HSD17B4: variants seen among roughly 807,000 people sequenced by gnomAD.
HSD17B4 encodes the protein peroxisomal multifunctional enzyme type 2.
In HSD17B4, 70 loss-of-function variants were observed where a neutral mutation model predicts 101.0. The observed-to-expected ratio is 0.69, with a 90% CI of 0.57 to 0.85. The LOEUF (loss-of-function observed/expected upper bound fraction) is 0.85, where lower values mean the gene tolerates loss of function less well. HSD17B4 is among the 40% of genes least tolerant of loss of function. The pLI, the probability that HSD17B4 is intolerant of heterozygous loss-of-function variation, is 0.00. For synonymous variants in HSD17B4, 347 were observed against 297.1 expected (o/e 1.17, Z -1.73); for missense variants, 984 against 892.4 (o/e 1.10, Z -1.31).
intron 15 of HSD17B4, among the ~76,000 whole-genome samples, chr5:119,507,863 T>C (rs1751804373): frequency 6.6e-6 from 1 of 152,034 alleles, no homozygotes; most frequent in African/African-American, 2.4e-5. Flanking sequence ...TTTGTAAGTT[T>C]TAAAGTTTAA....
In HSD17B4 at chr5:119,475,833, G is replaced by A; in HGVS notation, c.312G>A (p.Arg104=). ...DVVVNNAGIL[R]DRSFARISDE... is the part of the protein sequence containing the mutation. Reference sequence around the variant, plus strand: ...AACATTGATTTTTTAGAATTCTGAGGGATCGTTCCTTTGCTAGGATAAGTG... The same window carrying A: ...AACATTGATTTTTTAGAATTCTGAGAGATCGTTCCTTTGCTAGGATAAGTG... The change falls in exon 6 of 24, where the codon AGG becomes AGA. Residue 104 remains arginine, a synonymous_variant. Coordinates refer to ENST00000510025, the MANE Select transcript of HSD17B4 (RefSeq NM_000414.4). The A allele has an allele frequency of 6.2e-6, 10 of 1,603,896 alleles. No individual in the cohort carries two copies. Among genetic ancestry groups the A allele is most frequent in the Non-Finnish European group, 8.5e-6 (10 of 1,171,182 alleles).
At chr5:119,472,741 A>T (rs1156958416) in intron 2 of HSD17B4, among the ~76,000 whole-genome samples, 1 of 152,126 alleles carries the variant, frequency 6.6e-6, no homozygotes, top group Non-Finnish European at 1.5e-5. Flanking sequence ...GCCCAACGTA[A>T]TTGGTACTTT....
intron 2 of HSD17B4, among the ~76,000 whole-genome samples, chr5:119,465,734 A>C (rs1030043721): frequency 6.6e-6 from 1 of 152,164 alleles, no homozygotes; most frequent in Admixed American, 6.5e-5. Context: ...TGGAGTCTTT[A>C]GGTTTTTCTA....
At chr5:119,511,796 G>A (rs1458124914) in intron 16 of HSD17B4, among the ~76,000 whole-genome samples, 3 of 152,198 alleles carry the variant, frequency 2.0e-5, no homozygotes, top group Admixed American at 6.5e-5. Flanking sequence ...GGGGATTAGT[G>A]TCTAGAGTTG....
intron 2 of HSD17B4, among the ~76,000 whole-genome samples, chr5:119,459,769 C>T (rs1264307657): frequency 6.6e-6 from 1 of 152,086 alleles, no homozygotes; most frequent in African/African-American, 2.4e-5. Context: ...CCATGATAAC[C>T]TGTTAATTCA....
rs543564326 is a variant in HSD17B4 at position 119,502,962 on chromosome 5, A to G, written c.1261+870A>G. ...ATACCCAGTATTTGCAAGGCACAGT[A>G]TTAGGTAGTAGGTAATTTTCTAACC... On this transcript the variant is annotated intron_variant, in intron 14 of 23. Transcript: ENST00000510025. Among the ~76,000 whole-genome samples the G allele has an allele frequency of 1.1e-3, 160 of 152,276 alleles. 1 individual carries two copies. Among genetic ancestry groups the G allele is most frequent in the African/African-American group, 3.8e-3 (160 of 41,564 alleles).
chr5:119,518,453 C>T (rs1409956596), intron 17 of HSD17B4, among the ~76,000 whole-genome samples: 1 of 152,138 alleles, frequency 6.6e-6, no homozygotes, highest in East Asian at 1.9e-4. Flanking sequence ...CCACCAATTC[C>T]GGACACAGAA....
chr5:119,489,692 A>C (rs866680596), intron 9 of HSD17B4, among the ~76,000 whole-genome samples: 1 of 152,198 alleles, frequency 6.6e-6, no homozygotes, highest in Non-Finnish European at 1.5e-5. Flanking sequence ...ACTACAAGTC[A>C]TATTTTAAAC....
intron 17 of HSD17B4, among the ~76,000 whole-genome samples, chr5:119,522,018 T>C (rs1178597377): frequency 2.0e-5 from 3 of 152,084 alleles, no homozygotes; most frequent in Non-Finnish European, 4.4e-5. Context: ...ACATGTGCCA[T>C]GTTGGTGTGC....
In HSD17B4 at chr5:119,525,954, T is replaced by C; in HGVS notation, c.1611T>C (p.Phe537=). The stretch of plus-strand genomic sequence containing the variant: ...CCATATTACATGGATTATGTACATT[T>C]GGATTTTCTGCCAGGCGTGTGTTAC... ...DKPILHGLCT[F]GFSARRVLQQ... The change falls in exon 19 of 24, where the codon TTT becomes TTC. Residue 537 remains phenylalanine, a synonymous_variant. Transcript: ENST00000510025. 6.2e-7 allele frequency: 1 copy of C among 1,611,886 alleles called. No homozygotes were observed. The highest frequency in any genetic ancestry group is 1.7e-4 in the Middle Eastern group (1 of 6,046).
Position 119,471,703 on chromosome 5 carries a change from A to G in HSD17B4, c.113-2205A>G, listed in dbSNP as rs1485215221. ...ACAATGCAGATTCTTTGTTTCAAGT[A>G]ATTCTCTTAAGTTCTGTTTTTCCAA... On this transcript the variant is annotated intron_variant, in intron 2 of 23. Transcript: ENST00000510025. 3 of 1,408,950 alleles carry G rather than the reference A, an allele frequency of 2.1e-6. No homozygotes were observed. In the East Asian group the frequency reaches 7.6e-5, roughly 36 times the overall value. The allele number at this position is 1,408,950 out of a possible 1,614,324, so 87.3% of individuals were successfully genotyped here.
chr5:119,472,915 T>C (rs1038139998), intron 2 of HSD17B4, among the ~76,000 whole-genome samples: 22 of 152,240 alleles, frequency 1.4e-4, no homozygotes, highest in African/African-American at 5.3e-4. Flanking sequence ...TTTAACATAG[T>C]GTCTTCAGAG....
intron 9 of HSD17B4, 114 bp downstream of exon 9, chr5:119,489,397 A>T: frequency 1.3e-6 from 1 of 744,620 alleles, no homozygotes; most frequent in Non-Finnish European, 2.4e-6. Context: ...CTATGTTATA[A>T]TTAAAAGTGT....
chr5:119,494,102 A>G (rs551041616), intron 11 of HSD17B4, among the ~76,000 whole-genome samples, 156 bp downstream of exon 11: 2 of 152,330 alleles, frequency 1.3e-5, no homozygotes, highest in East Asian at 3.9e-4. Context: ...AGAATTCTTC[A>G]CATTTAAGAT....
In HSD17B4 at chr5:119,493,971, C is replaced by T. The variant is rs777205666; in HGVS notation, c.868+25C>T. 220 of 1,611,708 alleles carry T rather than the reference C, an allele frequency of 1.4e-4. No individual in the cohort carries two copies. The highest frequency in any genetic ancestry group is 1.2e-3 in the Middle Eastern group (7 of 5,968). On this transcript the variant is annotated intron_variant, in intron 11 of 23. Coordinates refer to ENST00000510025, the MANE Select transcript of HSD17B4 (RefSeq NM_000414.4). The stretch of plus-strand genomic sequence containing the variant: ...GGTAAAGAGAGTCCCCGTCACTTAG[C>T]CCTGGTTGGGGAATCAGAGGCAGCA...
intron 23 of HSD17B4, among the ~76,000 whole-genome samples, chr5:119,537,774 G>A (rs1754653420): frequency 2.0e-5 from 3 of 152,156 alleles, no homozygotes; most frequent in African/African-American, 4.8e-5. Flanking sequence ...AAACAATGGA[G>A]TGTGACTGTG....
intron 16 of HSD17B4, among the ~76,000 whole-genome samples, chr5:119,511,746 C>T (rs73249988): frequency 0.11 from 17,410 of 152,118 alleles, 1,091 homozygotes; most frequent in South Asian, 0.14. Flanking sequence ...AGCTAAGTTA[C>T]TAAATAAATA....
At chr5:119,499,992 G>A (rs1166144621) in intron 13 of HSD17B4, among the ~76,000 whole-genome samples, 1 of 152,176 alleles carries the variant, frequency 6.6e-6, no homozygotes, top group Non-Finnish European at 1.5e-5. Context: ...GGCCAGCATA[G>A]CTGTAGAGTG....
chr5:119,489,358 C>T lies in HSD17B4; in HGVS notation c.714+75C>T, dbSNP rs1749893325. On this transcript the variant is annotated intron_variant, in intron 9 of 23. Transcript: ENST00000510025. ...ATTTGTAAAAATCTGTACCAGTGGA[C>T]ATCACTTGTATATTTTTAAATATTG... The T allele has an allele frequency of 4.5e-6, 4 of 889,926 alleles. No individual in the cohort carries two copies. The East Asian group carries it at 7.3e-5, about 16-fold the overall frequency. 55.1% of individuals were successfully genotyped at this position (889,926 alleles called of 1,614,324 possible). A position where few individuals can be genotyped will look rare whatever the true frequency, so the allele number is the denominator to read the frequency against.
Sources: gnomAD v4.1 joint callset for allele counts (sites outside exome capture counted in the v4.1 genomes callset) on GRCh38, gnomAD v4.1.1 for gene constraint, MANE v1.5 for transcripts, NCBI Gene and HGNC (gene_info 2026-07-23, HGNC 2026-07-21) for gene names.